PCDHGB4: variants seen among roughly 807,000 people sequenced by gnomAD.
PCDHGB4 encodes the protein protocadherin gamma subfamily B, 4, also known as protocadherin gamma-B4.
In PCDHGB4, 38 loss-of-function variants were observed where a neutral mutation model predicts 60.5. The observed-to-expected ratio is 0.63, with a 90% CI of 0.48 to 0.82. The LOEUF (loss-of-function observed/expected upper bound fraction) is 0.82, where lower values mean the gene tolerates loss of function less well. Among genes scored for constraint, PCDHGB4 ranks in the 40% least tolerant of loss-of-function variants. PCDHGB4 has a pLI of 0.00. For synonymous variants in PCDHGB4, 456 were observed against 509.7 expected (o/e 0.89, Z 1.42); for missense variants, 1,109 against 1,209.6 (o/e 0.92, Z 1.23).
At position 141,477,107 on chromosome 5, in the gene PCDHGB4, C is replaced by A. The variant is rs1431445150; in HGVS notation, c.2398-17700C>A. ...CCAGGCCAAAGACAAGGGCGCCAAT[C>A]CCGAAGGAGCACATTGCAAAGTGTT... On this transcript the variant is annotated intron_variant, in intron 1 of 3. Coordinates refer to ENST00000519479, the MANE Select transcript of PCDHGB4 (RefSeq NM_003736.4). This position sits in a 1 kb window ranked among gnomAD's most constrained non-coding sequence, Gnocchi z 4.9. 1 of 1,614,252 alleles carries A rather than the reference C, an allele frequency of 6.2e-7. No homozygotes were observed. The highest frequency in any genetic ancestry group is 8.5e-7 in the Non-Finnish European group (1 of 1,180,048).
chr5:141,458,366 GGAGAA>G (rs1437271099), intron 1 of PCDHGB4, among the ~76,000 whole-genome samples: 1 of 152,090 alleles, frequency 6.6e-6, no homozygotes, highest in African/African-American at 2.4e-5. Flanking sequence ...AAGAAGGAAG[GGAGAA>G]GAGAGAAGGA....
intron 1 of PCDHGB4, chr5:141,423,760 G>A: frequency 1.1e-5 from 3 of 279,660 alleles, no homozygotes; most frequent in Non-Finnish European, 1.1e-5. Flanking sequence ...TGGGGGGGGG[G>A]TGGGGCGGCA....
At chr5:141,467,055 C>CTTTTTTTTTTTT (rs1193465269) in intron 1 of PCDHGB4, among the ~76,000 whole-genome samples, 1 of 134,498 alleles carries the variant, frequency 7.4e-6, no homozygotes. Context: ...TCAATGTTTT[C>CTTTTTTTTTTTT]TTTTTTTTTT....
In PCDHGB4 at chr5:141,408,415, G is replaced by A. The variant is rs554066897; in HGVS notation, c.2397+18134G>A. The A allele has an allele frequency of 1.8e-5, 29 of 1,614,074 alleles. 1 individual carries two copies. In the South Asian group the frequency reaches 2.9e-4, roughly 16 times the overall value. On this transcript the variant is annotated intron_variant, in intron 1 of 3. Coordinates refer to ENST00000519479, the MANE Select transcript of PCDHGB4 (RefSeq NM_003736.4). Reference sequence around the variant, plus strand: ...CTCGCAAGCTGCGAGTGAGCGCGGAGAAGCTGCACTTCAGCGTAGACGCGG... The same window carrying A: ...CTCGCAAGCTGCGAGTGAGCGCGGAAAAGCTGCACTTCAGCGTAGACGCGG...
In PCDHGB4 at chr5:141,388,127, C is replaced by T. The variant is rs760517049; in HGVS notation, c.243C>T (p.Ser81=). 21 of 1,427,554 alleles carry T rather than the reference C, an allele frequency of 1.5e-5. No homozygotes were observed. The African/African-American group carries it at 2.9e-4, about 20-fold the overall frequency. The allele number at this position is 1,427,554 out of a possible 1,614,324, so 88.4% of individuals were successfully genotyped here. Residue 81 remains serine (S), a synonymous_variant, in exon 1 of 4, where the codon AGC becomes AGT. Coordinates refer to ENST00000519479, the MANE Select transcript of PCDHGB4 (RefSeq NM_003736.4). ...EKPYFTVSAE[S]GELLVSSRLD... is the part of the protein sequence containing the mutation. ...CTTACTTCACCGTGAGCGCAGAGAG[C>T]GGGGAGTTGCTTGTGAGCAGCAGGC...
intron 1 of PCDHGB4, among the ~76,000 whole-genome samples, chr5:141,450,099 C>T (rs2098669229): frequency 6.6e-6 from 1 of 151,500 alleles, no homozygotes; most frequent in African/African-American, 2.4e-5. Flanking sequence ...CTCCGCCTCC[C>T]AGGTTCAAAT....
At chr5:141,502,483 G>A (rs773081419) in intron 2 of PCDHGB4, among the ~76,000 whole-genome samples, 42 of 152,144 alleles carry the variant, frequency 2.8e-4, no homozygotes, top group Non-Finnish European at 4.7e-4. Context: ...GCATCACACT[G>A]GGACTCATCT....
intron 1 of PCDHGB4, among the ~76,000 whole-genome samples, chr5:141,492,084 G>C (rs979755390): frequency 2.0e-5 from 3 of 152,236 alleles, no homozygotes; most frequent in African/African-American, 7.2e-5. Flanking sequence ...GCTCCGGCAC[G>C]CTTCGCCGGT....
chr5:141,390,587 A>T (rs1043489470), intron 1 of PCDHGB4: 1 of 340,604 alleles, frequency 2.9e-6, no homozygotes, highest in Non-Finnish European at 5.3e-6. Flanking sequence ...AAAGTGAATG[A>T]GATTTTTCCT....
chr5:141,427,193 CTT>C (rs2096998045), intron 1 of PCDHGB4: 3 of 456,614 alleles, frequency 6.6e-6, no homozygotes, highest in Non-Finnish European at 8.8e-6. Context: ...AATCCAAAGA[CTT>C]AATAGACTTC....
chr5:141,431,907 T>A lies in PCDHGB4; in HGVS notation c.2397+41626T>A, dbSNP rs2097427946. 2 of 1,613,964 alleles carry A rather than the reference T, an allele frequency of 1.2e-6. No homozygotes were observed. Among genetic ancestry groups the A allele is most frequent in the South Asian group, 2.2e-5 (2 of 91,086 alleles). Reference sequence around the variant, plus strand: ...GATTCTGAGGAAAACGGACAGGTGATCTGTTTCATCCAAGGAAATCTGCCC... The same window carrying A: ...GATTCTGAGGAAAACGGACAGGTGAACTGTTTCATCCAAGGAAATCTGCCC... On this transcript the variant is annotated intron_variant, in intron 1 of 3. Transcript: ENST00000519479. This position sits in a 1 kb window ranked among gnomAD's most constrained non-coding sequence, Gnocchi z 4.8.
chr5:141,449,693 G>A (rs2098652097), intron 1 of PCDHGB4, among the ~76,000 whole-genome samples: 1 of 150,164 alleles, frequency 6.7e-6, no homozygotes, highest in South Asian at 2.1e-4. Flanking sequence ...TTGTGTGTAT[G>A]TACACAAACA....
intron 1 of PCDHGB4, chr5:141,399,924 G>A: frequency 6.2e-7 from 1 of 1,612,346 alleles, no homozygotes; most frequent in Non-Finnish European, 8.5e-7. Context: ...ACAACGCCTG[G>A]CTGTCCTACC....
chr5:141,495,839 A>G (rs2099764148), intron 2 of PCDHGB4, among the ~76,000 whole-genome samples: 1 of 150,756 alleles, frequency 6.6e-6, no homozygotes, highest in South Asian at 2.1e-4. Flanking sequence ...CCCAGCCTCT[A>G]TGTTTCTCTG....
At chr5:141,433,612 G>A (rs1181458593) in intron 1 of PCDHGB4, among the ~76,000 whole-genome samples, 1 of 152,082 alleles carries the variant, frequency 6.6e-6, no homozygotes, top group Non-Finnish European at 1.5e-5. Context: ...GAGGCGGGTG[G>A]ATCACCTGAG....
intron 1 of PCDHGB4, chr5:141,410,489 G>T (rs1233643247): frequency 1.9e-6 from 3 of 1,613,854 alleles, no homozygotes; most frequent in Non-Finnish European, 1.7e-6. Context: ...GGGTACAAAA[G>T]AGTTTAATTT....
Position 141,413,187 on chromosome 5 carries a change from A to G in PCDHGB4, c.2397+22906A>G, listed in dbSNP as rs778441437. The G allele has an allele frequency of 6.2e-6, 10 of 1,606,328 alleles. No individual in the cohort carries two copies. The African/African-American group carries it at 1.3e-4, about 22-fold the overall frequency. On this transcript the variant is annotated intron_variant, in intron 1 of 3. Transcript: ENST00000519479. Reference sequence around the variant, plus strand: ...GTAACCAGACTACAATGGCCGCTCAAAGGAATCGCTCAAAGGAATCAAAGG... The same window carrying G: ...GTAACCAGACTACAATGGCCGCTCAGAGGAATCGCTCAAAGGAATCAAAGG...
At chr5:141,425,253 A>G (rs1019069029) in intron 1 of PCDHGB4, among the ~76,000 whole-genome samples, 12 of 152,196 alleles carry the variant, frequency 7.9e-5, no homozygotes, top group Non-Finnish European at 1.5e-4. Context: ...GATATGAGGT[A>G]TTTGGCTGGG....
At chr5:141,436,331 T>A (rs919524287) in intron 1 of PCDHGB4, among the ~76,000 whole-genome samples, 1 of 152,198 alleles carries the variant, frequency 6.6e-6, no homozygotes, top group Non-Finnish European at 1.5e-5. Flanking sequence ...TTAGACCATA[T>A]CTCAAATATC....
Sources: gnomAD v4.1 joint callset for allele counts (sites outside exome capture counted in the v4.1 genomes callset) on GRCh38, gnomAD v4.1.1 for gene constraint, Gnocchi (gnomAD v3.1) non-coding constraint, MANE v1.5 for transcripts, NCBI Gene and HGNC (gene_info 2026-07-23, HGNC 2026-07-21) for gene names.